FAT3: variants seen among roughly 807,000 people sequenced by gnomAD.
FAT3 encodes the protein FAT atypical cadherin 3.
Under a neutral mutation model 310.2 loss-of-function variants are expected in FAT3, and 95 were observed. That is an observed-to-expected ratio of 0.31 (90% confidence interval 0.26 to 0.36). The LOEUF (loss-of-function observed/expected upper bound fraction) is 0.36. Ranked by LOEUF, FAT3 falls within the 10% of genes least tolerant of loss-of-function variation. The probability of loss-of-function intolerance (pLI) is 1.00; values close to 1 mark genes in which losing one functional copy is unlikely to be tolerated. For synonymous variants in FAT3, 2,314 were observed against 2,192.9 expected, an observed-to-expected ratio of 1.06 and a Z score of -1.54; for missense variants, 5,408 against 5,715.6, an observed-to-expected ratio of 0.95 and a Z score of 1.74.
At chr11:92,521,091 G>A (rs1232459219) in intron 2 of FAT3, among the ~76,000 whole-genome samples, 1 of 151,988 alleles carries the variant, frequency 6.6e-6, no homozygotes, top group Non-Finnish European at 1.5e-5. Flanking sequence ...TGACTTCCAG[G>A]AATCGCAAAG....
intron 3 of FAT3, among the ~76,000 whole-genome samples, chr11:92,652,935 G>A (rs191406860): frequency 3.6e-4 from 55 of 152,220 alleles, no homozygotes; most frequent in African/African-American, 1.3e-3. Context: ...AGCCGAGGCG[G>A]GTAGATCACC....
At chr11:92,676,764 GGA>G (rs1943301250) in intron 3 of FAT3, among the ~76,000 whole-genome samples, 1 of 152,264 alleles carries the variant, frequency 6.6e-6, no homozygotes, top group Non-Finnish European at 1.5e-5. Flanking sequence ...GCCTGAAAGA[GGA>G]GAGACTTTAA....
At chr11:92,826,597 G>A (rs1948112048) in intron 13 of FAT3, among the ~76,000 whole-genome samples, 1 of 152,158 alleles carries the variant, frequency 6.6e-6, no homozygotes, top group Admixed American at 6.5e-5. Flanking sequence ...TATGATATGT[G>A]ATTATGACAC....
chr11:92,236,427 T>G (rs1014990911), intron 1 of FAT3, among the ~76,000 whole-genome samples: 3 of 152,172 alleles, frequency 2.0e-5, no homozygotes, highest in Non-Finnish European at 1.5e-5. Flanking sequence ...TATTCATTAT[T>G]TGAGGGGCAG....
intron 4 of FAT3, among the ~76,000 whole-genome samples, chr11:92,746,973 G>A (rs116251248): frequency 0.011 from 1,694 of 152,292 alleles, 38 homozygotes; most frequent in African/African-American, 0.038. Context: ...TTCATGGACT[G>A]ACATTGTGTC....
chr11:92,601,741 G>A (rs1018412705), intron 3 of FAT3, among the ~76,000 whole-genome samples: 9 of 152,158 alleles, frequency 5.9e-5, no homozygotes, highest in Admixed American at 3.3e-4. Flanking sequence ...TACAGAATAA[G>A]CTTTGTAGCT....
At chr11:92,860,478 G>A (rs958209521) in intron 21 of FAT3, among the ~76,000 whole-genome samples, 1 of 152,206 alleles carries the variant, frequency 6.6e-6, no homozygotes, top group Non-Finnish European at 1.5e-5. Context: ...GAGAAGGCAG[G>A]AGAAGGAGGG....
In FAT3 at chr11:92,305,328, C is replaced by T. The variant is rs144338777; in HGVS notation, c.-17-46768C>T. 2.7e-4 allele frequency among the ~76,000 whole-genome samples: 41 copies of T among 152,050 alleles called. 2 individuals carry two copies. The East Asian group carries it at 7.0e-3, about 26-fold the overall frequency. Reference sequence around the variant, plus strand: ...TCTAGAAGGTACACACCCTCCTTACCGTAGAATTCTAGTTAATAAATGTAG... The same window carrying T: ...TCTAGAAGGTACACACCCTCCTTACTGTAGAATTCTAGTTAATAAATGTAG... On this transcript the variant is annotated intron_variant, in intron 1 of 27. Coordinates refer to ENST00000525166, the MANE Select transcript of FAT3 (RefSeq NM_001367949.2).
At chr11:92,633,011 A>T (rs990376684) in intron 3 of FAT3, among the ~76,000 whole-genome samples, 2 of 152,190 alleles carry the variant, frequency 1.3e-5, no homozygotes, top group African/African-American at 2.4e-5. Flanking sequence ...TTTGTGGATA[A>T]TAATTAACTA....
intron 3 of FAT3, chr11:92,559,377 A>G: frequency 7.0e-6 from 1 of 143,770 alleles, no homozygotes; most frequent in Non-Finnish European, 1.4e-5. Flanking sequence ...TTGTTTACTT[A>G]TTTTCCTTTT....
intron 22 of FAT3, 92 bp from the exon 23 acceptor site, chr11:92,880,639 A>G (rs1190792182): frequency 7.0e-7 from 1 of 1,424,408 alleles, no homozygotes. Flanking sequence ...TATACGGTTC[A>G]ACAAAGAATT....
At chr11:92,532,493 C>G (rs1157618385) in intron 3 of FAT3, among the ~76,000 whole-genome samples, 1 of 152,198 alleles carries the variant, frequency 6.6e-6, no homozygotes, top group East Asian at 1.9e-4. Flanking sequence ...AGCTGCCTCT[C>G]ACTTCCCTCT....
intron 1 of FAT3, among the ~76,000 whole-genome samples, chr11:92,343,014 A>G (rs1412711599): frequency 1.3e-5 from 2 of 152,188 alleles, no homozygotes; most frequent in African/African-American, 4.8e-5. Flanking sequence ...TGAAGCATTT[A>G]CTGATGAAAT....
In FAT3 at chr11:92,774,084, G is replaced by A. The variant is rs1946530084; in HGVS notation, c.4239G>A (p.Gly1413=). 5 of 1,613,642 alleles carry A rather than the reference G, an allele frequency of 3.1e-6. No homozygotes were observed. The highest frequency in any genetic ancestry group is 1.3e-5 in the African/African-American group (1 of 74,912). The change falls in exon 7 of 28, where the codon GGG becomes GGA. Residue 1413 remains glycine (G), a synonymous_variant. Transcript: ENST00000525166. ...CTTTTGATGCAGAGAAGGGTGTTGG[G>A]ACAATTGTCATCGCAAAACCTTTGG... ...DSAFDAEKGV[G]TIVIAKPLDA...
At chr11:92,683,060 A>T (rs1943529830) in intron 3 of FAT3, among the ~76,000 whole-genome samples, 1 of 94,862 alleles carries the variant, frequency 1.1e-5, no homozygotes, top group Non-Finnish European at 2.0e-5. Flanking sequence ...CCTGGGTGAC[A>T]CAGCAAGACT....
At chr11:92,583,047 A>G (rs985280544) in intron 3 of FAT3, among the ~76,000 whole-genome samples, 8 of 151,840 alleles carry the variant, frequency 5.3e-5, no homozygotes, top group East Asian at 3.9e-4. Flanking sequence ...TTAGACTATT[A>G]TAGTAAAATT....
At position 92,845,140 on chromosome 11, in the gene FAT3, T is replaced by G. The variant is rs76619750; in HGVS notation, c.11365+408T>G. ...TTAGGGGCATAAGAGGAACCTACAC[T>G]GGGGATGGAAAGAGCTTTCCTCTGG... is the stretch of plus-strand genomic sequence containing the variant. On this transcript the variant is annotated intron_variant, in intron 19 of 27. Transcript: ENST00000525166. Among the ~76,000 whole-genome samples the G allele has an allele frequency of 6.7e-3, 1,021 of 152,248 alleles. 13 individuals carry two copies. The highest frequency in any genetic ancestry group is 0.024 in the African/African-American group (980 of 41,552).
Position 92,798,020 on chromosome 11 carries a change from CA to C in FAT3, c.5009del (p.Lys1670SerfsTer11). 1 of 1,613,852 alleles carries C rather than the reference CA, an allele frequency of 6.2e-7. No individual in the cohort carries two copies. Among genetic ancestry groups the C allele is most frequent in the Non-Finnish European group, 8.5e-7 (1 of 1,179,854 alleles). ...SVTMSDNSHP[K>X]FIHKDYQAEV... ...TCACCATGTCTGACAATTCTCACCC[CA>C]AGTTCATTCACAAAGACTACCAAGC... On this transcript the variant is annotated frameshift_variant, in exon 10 of 28. Transcript: ENST00000525166. LOFTEE classifies it high-confidence loss of function.
At chr11:92,729,693 G>A (rs959137644) in intron 4 of FAT3, among the ~76,000 whole-genome samples, 2 of 151,814 alleles carry the variant, frequency 1.3e-5, no homozygotes, top group African/African-American at 4.8e-5. Context: ...CCAAAGTGCT[G>A]GGATTATAGG....
Sources: allele counts gnomAD v4.1 joint callset (sites outside exome capture counted in the v4.1 genomes callset), GRCh38; gene constraint gnomAD v4.1.1; transcripts MANE v1.5; gene names NCBI Gene and HGNC (gene_info 2026-07-23, HGNC 2026-07-21).